PGBD2: variants seen among roughly 807,000 people sequenced by gnomAD.
PGBD2 encodes the protein piggyBac transposable element derived 2.
In PGBD2, 6 loss-of-function variants were observed where a neutral mutation model predicts 8.1. The ratio of observed to expected loss-of-function variants is 0.74; its 90% CI spans 0.40 to 1.46. The LOEUF (loss-of-function observed/expected upper bound fraction) is 1.46, where lower values mean the gene tolerates loss of function less well. Among genes scored for constraint, PGBD2 ranks in the 40% most tolerant of loss-of-function variants. The pLI, the probability that PGBD2 is intolerant of heterozygous loss-of-function variation, is 0.02. For synonymous variants in PGBD2, 318 were observed against 272.2 expected, an observed-to-expected ratio of 1.17 and a Z score of -1.66; for missense variants, 802 against 739.0, an observed-to-expected ratio of 1.09 and a Z score of -0.99.
the PGBD2 span, among the ~76,000 whole-genome samples, chr1:248,874,609 CAA>C: frequency 6.6e-6 from 1 of 152,154 alleles, no homozygotes; most frequent in East Asian, 1.9e-4. Flanking sequence ...TCACAGATTT[CAA>C]AAAGTCTCCC....
chr1:248,898,876 G>A, the PGBD2 span, among the ~76,000 whole-genome samples: 6 of 152,148 alleles, frequency 3.9e-5, no homozygotes, highest in Non-Finnish European at 7.3e-5. Context: ...CACATGCAGA[G>A]ACACAAATAG....
chr1:248,912,632 C>T lies in PGBD2; in HGVS notation c.-47-1184C>T, dbSNP rs148848519. The T allele has an allele frequency of 9.9e-5, 15 of 152,202 alleles. No homozygotes were observed. In the East Asian group the frequency reaches 2.9e-3, roughly 29 times the overall value. The allele number at this position is 152,202 out of a possible 1,614,324, so 9.4% of individuals were successfully genotyped here. On this transcript the variant is annotated intron_variant, in intron 1 of 2. Transcript: ENST00000329291. ...AAAAATATATCAACATCCATGTCCC[C>T]ACCTCCCAGATTTAACACATATTAA...
At position 248,916,811 on chromosome 1, in the gene PGBD2, A is replaced by C; in HGVS notation, c.227A>C (p.His76Pro). Reference protein sequence around the residue: ...RGAHLPGSVLHASVLCEDSGT... With the variant: ...RGAHLPGSVLPASVLCEDSGT... ...GCTCACCTACCTGGCAGTGTGCTGC[A>C]TGCTTCAGTCCTGTGTGAGGACTCT... is the stretch of plus-strand genomic sequence containing the variant. Residue 76 changes from histidine (H) to proline (P), a missense_variant, in exon 3 of 3, where the codon CAT becomes CCT. His to Pro is a moderately conservative substitution (Grantham distance 77). Coordinates refer to ENST00000329291, the MANE Select transcript of PGBD2 (RefSeq NM_170725.3). 1 of 1,614,092 alleles carries C rather than the reference A, an allele frequency of 6.2e-7. No individual in the cohort carries two copies.
chr1:248,875,952 C>T, the PGBD2 span, among the ~76,000 whole-genome samples: 4 of 150,838 alleles, frequency 2.7e-5, no homozygotes, highest in African/African-American at 9.7e-5. Flanking sequence ...ATCCTTGTTC[C>T]TAGAACTGTA....
chr1:248,881,990 T>C, the PGBD2 span, among the ~76,000 whole-genome samples: 1 of 152,226 alleles, frequency 6.6e-6, no homozygotes. Context: ...TAGAGCAGTA[T>C]AGAAGCAGAG....
the PGBD2 span, among the ~76,000 whole-genome samples, chr1:248,874,261 A>G: frequency 9.2e-5 from 14 of 152,124 alleles, no homozygotes; most frequent in South Asian, 6.2e-4. Context: ...CTGGTGGTCT[A>G]GTGGTTAGGA....
the PGBD2 span, among the ~76,000 whole-genome samples, chr1:248,886,850 G>A: frequency 6.6e-6 from 1 of 152,178 alleles, no homozygotes; most frequent in South Asian, 2.1e-4. Flanking sequence ...TACTTCCTGT[G>A]ATAAAGCAGT....
chr1:248,897,308 G>A, the PGBD2 span, among the ~76,000 whole-genome samples: 2 of 151,644 alleles, frequency 1.3e-5, no homozygotes, highest in South Asian at 4.2e-4. Context: ...TACAGGATGT[G>A]AGGTCCCGTG....
chr1:248,876,386 C>G, the PGBD2 span, among the ~76,000 whole-genome samples: 1 of 152,156 alleles, frequency 6.6e-6, no homozygotes, highest in African/African-American at 2.4e-5. Context: ...TTAATTAGAA[C>G]AGGTTCTCAA....
At chr1:248,919,666 CTG>C (rs1558291861), downstream of PGBD2, 3 of 166,478 alleles carry the variant, frequency 1.8e-5, no homozygotes, top group Admixed American at 2.0e-4. Context: ...AAGCTTCAAA[CTG>C]TTCTCCATAG....
chr1:248,911,693 G>T (rs867210129), intron 1 of PGBD2, among the ~76,000 whole-genome samples: 1 of 142,392 alleles, frequency 7.0e-6, no homozygotes, highest in Non-Finnish European at 1.5e-5. Flanking sequence ...CAGTAGGGGC[G>T]GCTGGGCAGA....
the PGBD2 span, among the ~76,000 whole-genome samples, chr1:248,882,732 T>C: frequency 6.6e-6 from 1 of 152,222 alleles, no homozygotes; most frequent in African/African-American, 2.4e-5. Context: ...ATCTTAGTGA[T>C]GTGAAACCTC....
chr1:248,924,989 G>T, the PGBD2 span, among the ~76,000 whole-genome samples: 2 of 152,204 alleles, frequency 1.3e-5, no homozygotes, highest in East Asian at 3.9e-4. Context: ...ATCTCCAGAG[G>T]GGATTTAATT....
the PGBD2 span, among the ~76,000 whole-genome samples, chr1:248,873,859 G>A: frequency 1.3e-5 from 2 of 152,180 alleles, no homozygotes; most frequent in African/African-American, 2.4e-5. Flanking sequence ...CCGAGTGTCA[G>A]GATGGCCGAG....
upstream of PGBD2, among the ~76,000 whole-genome samples, chr1:248,902,150 T>A (rs184730077): frequency 6.8e-3 from 1,040 of 151,958 alleles, 3 homozygotes; most frequent in Non-Finnish European, 0.012. Flanking sequence ...ACACCTGTAG[T>A]CCTAGCTACT....
At chr1:248,904,206 T>C (rs1453280763), upstream of PGBD2, among the ~76,000 whole-genome samples, 2 of 152,160 alleles carry the variant, frequency 1.3e-5, no homozygotes, top group African/African-American at 4.8e-5. Context: ...TTAAAGCTTA[T>C]TTAGCCTATT....
At chr1:248,906,891 C>T (rs932699144) in intron 1 of PGBD2, among the ~76,000 whole-genome samples, 2 of 152,122 alleles carry the variant, frequency 1.3e-5, no homozygotes, top group African/African-American at 2.4e-5. Flanking sequence ...CCGTATCCCA[C>T]AAAAGCCATT....
the PGBD2 span, among the ~76,000 whole-genome samples, chr1:248,880,922 C>G: frequency 6.6e-6 from 1 of 152,042 alleles, no homozygotes; most frequent in African/African-American, 2.4e-5. Context: ...AATTTGTTCC[C>G]TAGTCATTAT....
the PGBD2 span, among the ~76,000 whole-genome samples, chr1:248,876,667 A>T: frequency 1.3e-5 from 2 of 152,128 alleles, no homozygotes; most frequent in Non-Finnish European, 2.9e-5. Context: ...AGAAAAACTA[A>T]TTTGACATAC....
Sources: gnomAD v4.1 joint callset for allele counts (sites outside exome capture counted in the v4.1 genomes callset) on GRCh38, gnomAD v4.1.1 for gene constraint, MANE v1.5 for transcripts, NCBI Gene and HGNC (gene_info 2026-07-23, HGNC 2026-07-21) for gene names.